TNPO2: variants seen among roughly 807,000 people sequenced by gnomAD.
TNPO2 encodes transportin-2.
A neutral mutation model predicts 111.1 loss-of-function variants in TNPO2; 16 were observed. The observed-to-expected ratio is 0.14, with a 90% confidence interval of 0.10 to 0.22. The LOEUF (loss-of-function observed/expected upper bound fraction) is 0.22. Ranked by LOEUF, TNPO2 falls within the 10% of genes least tolerant of loss-of-function variation. The pLI, the probability that TNPO2 is intolerant of heterozygous loss-of-function variation, is 1.00. For synonymous variants in TNPO2, 481 were observed against 475.8 expected (o/e 1.01, Z -0.14); for missense variants, 530 against 1,173.7 (o/e 0.45, Z 8.01).
rs557913964 is a variant in TNPO2 at position 12,703,512 on chromosome 19, T to C, written c.2125A>G (p.Ile709Val). 20 of 1,613,974 alleles carry C rather than the reference T, an allele frequency of 1.2e-5. No individual in the cohort carries two copies. The South Asian group carries it at 2.2e-4, about 18-fold the overall frequency. ...VKPCIAEFMP[I>V]LGTNLNPEFI... is the part of the protein sequence containing the mutation. ...TCTGGGTTCAGGTTGGTGCCCAGAA[T>C]GGGCATGAACTCGGCTGGTGGGGAG... Residue 709 changes from isoleucine (I) to valine (V), a missense_variant, in exon 20 of 26, where the codon ATT becomes GTT. By Grantham distance (29) the Ile-to-Val change is conservative. Coordinates refer to ENST00000425528, the MANE Select transcript of TNPO2 (RefSeq NM_001382241.1).
At chr19:12,708,618 G>A (rs1419869541) in intron 13 of TNPO2, among the ~76,000 whole-genome samples, 1 of 151,454 alleles carries the variant, frequency 6.6e-6, no homozygotes, top group East Asian at 1.9e-4. Flanking sequence ...TGTAATCCCA[G>A]CACTCTGGGA....
chr19:12,714,795 G>T, intron 10 of TNPO2, 26 bp downstream of exon 10: 2 of 1,594,970 alleles, frequency 1.3e-6, no homozygotes, highest in African/African-American at 1.3e-5. Flanking sequence ...AGCTGGGGTA[G>T]GACAGTGGGC....
In TNPO2 at chr19:12,721,008, G is replaced by A. The variant is rs766934992; in HGVS notation, c.-13-18C>T. The A allele has an allele frequency of 1.2e-5, 18 of 1,548,526 alleles. No homozygotes were observed. The highest frequency in any genetic ancestry group is 1.9e-5 in the Admixed American group (1 of 51,690). On this transcript the variant is annotated intron_variant, in intron 2 of 25. Coordinates refer to ENST00000425528, the MANE Select transcript of TNPO2 (RefSeq NM_001382241.1). This position sits in a 1 kb window ranked among gnomAD's most constrained non-coding sequence, Gnocchi z 4.9. ...AAGGCAAGCTGCGGAGGTAGGGGCC[G>A]GGGTCAGCGCTGGGTCTCTGGGGCT...
chr19:12,714,087 G>A (rs2026227673), intron 10 of TNPO2, among the ~76,000 whole-genome samples: 1 of 152,086 alleles, frequency 6.6e-6, no homozygotes, highest in Admixed American at 6.6e-5. Context: ...TTGTCAAGGA[G>A]GGTCAGTTTT....
At chr19:12,710,998 C>A (rs923945083) in intron 12 of TNPO2, among the ~76,000 whole-genome samples, 1 of 152,118 alleles carries the variant, frequency 6.6e-6, no homozygotes, top group Non-Finnish European at 1.5e-5. Flanking sequence ...GGGTTCATGC[C>A]GTTTTCCTGC....
chr19:12,702,679 G>T lies in TNPO2; in HGVS notation c.2305+144C>A. 1.4e-6 allele frequency: 1 copy of T among 728,524 alleles called. No homozygotes were observed. The highest frequency in any genetic ancestry group is 2.4e-6 in the Non-Finnish European group (1 of 422,962). 45.1% of individuals were successfully genotyped at this position (728,524 alleles called of 1,614,324 possible). Reference sequence around the variant, plus strand: ...AGCCTGAGGCTGCATCTTTCTTGGGGCTTCTCCCAGTGACCCCTTCCAGGT... The same window carrying T: ...AGCCTGAGGCTGCATCTTTCTTGGGTCTTCTCCCAGTGACCCCTTCCAGGT... On this transcript the variant is annotated intron_variant, in intron 21 of 25. Coordinates refer to ENST00000425528, the MANE Select transcript of TNPO2 (RefSeq NM_001382241.1). The surrounding 1 kb of genome is among the most constrained non-coding windows in gnomAD (Gnocchi z 5.5).
Position 12,720,880 on chromosome 19 carries a change from T to A in TNPO2, c.98A>T (p.Asp33Val). The A allele has an allele frequency of 1.3e-6, 2 of 1,598,752 alleles. No homozygotes were observed. Among genetic ancestry groups the A allele is most frequent in the Non-Finnish European group, 1.7e-6 (2 of 1,173,400 alleles). Residue 33 changes from aspartate (D) to valine (V), a missense_variant and splice_region_variant, in exon 3 of 26, where the codon GAT (aspartate) becomes GTT (valine). Physicochemically the swap from Asp to Val is radical, Grantham distance 152. This residue lies in a region of TNPO2 where 156 missense variants were observed against 405.8 expected (regional missense o/e 0.38). Transcript: ENST00000425528. The stretch of plus-strand genomic sequence containing the variant: ...AGCCCCGGAAGGAAGGAAGGATACA[T>A]CCTGCACGATGCGCTGAGTGGCTGT... ...PNTATQRIVQDKLKQLNQFPD... is the reference protein window; with the variant it reads ...PNTATQRIVQVKLKQLNQFPD...
intron 13 of TNPO2, among the ~76,000 whole-genome samples, chr19:12,707,491 T>C (rs1207378859): frequency 1.0e-4 from 12 of 119,174 alleles, no homozygotes; most frequent in Admixed American, 4.7e-4. Context: ...TTTTTTTTTT[T>C]TTTTTTTTTT....
intron 13 of TNPO2, among the ~76,000 whole-genome samples, chr19:12,710,129 A>C (rs897007433): frequency 6.6e-6 from 1 of 151,972 alleles, no homozygotes; most frequent in African/African-American, 2.4e-5. Flanking sequence ...ATTTGATGAA[A>C]CACCACCTAC....
intron 10 of TNPO2, among the ~76,000 whole-genome samples, chr19:12,714,565 G>A (rs1277280623): frequency 3.3e-5 from 5 of 152,170 alleles, no homozygotes; most frequent in South Asian, 2.1e-4. Flanking sequence ...GCCCGCCTCG[G>A]CCTCCCAAAG....
chr19:12,703,502 G>A lies in TNPO2; in HGVS notation c.2135C>T (p.Thr712Ile), dbSNP rs753603568. The A allele has an allele frequency of 1.2e-6, 2 of 1,614,034 alleles. No individual in the cohort carries two copies. The highest frequency in any genetic ancestry group is 2.2e-5 in the South Asian group (2 of 91,090). Residue 712 changes from threonine (T) to isoleucine (I), a missense_variant, in exon 20 of 26, where the codon ACC (threonine) becomes ATC (isoleucine). Physicochemically the swap from Thr to Ile is moderately conservative, Grantham distance 89. Around this residue, in one of 4 missense-constraint regions of TNPO2, gnomAD observed 183 missense variants for 481.0 expected, o/e 0.38. Transcript: ENST00000425528. ...CIAEFMPILG[T>I]NLNPEFISVC... is the part of the protein sequence containing the mutation. ...GGAGATGAACTCTGGGTTCAGGTTG[G>A]TGCCCAGAATGGGCATGAACTCGGC... is the stretch of plus-strand genomic sequence containing the variant.
chr19:12,702,421 G>C lies in TNPO2; in HGVS notation c.2306-244C>G. The C allele has an allele frequency of 1.5e-6, 1 of 647,288 alleles. No individual in the cohort carries two copies. Among genetic ancestry groups the C allele is most frequent in the Non-Finnish European group, 2.8e-6 (1 of 352,280 alleles). 40.1% of individuals were successfully genotyped at this position (647,288 alleles called of 1,614,324 possible). On this transcript the variant is annotated intron_variant, in intron 21 of 25. Coordinates refer to ENST00000425528, the MANE Select transcript of TNPO2 (RefSeq NM_001382241.1). The surrounding 1 kb of genome is among the most constrained non-coding windows in gnomAD (Gnocchi z 5.5). ...TGTTTTGTTTTGTTTTTGAGATGGAGTCTTGCTCTGTTGCCCAGGCTGGAG... is the reference window on the plus strand; with the variant it reads ...TGTTTTGTTTTGTTTTTGAGATGGACTCTTGCTCTGTTGCCCAGGCTGGAG...
chr19:12,709,803 G>T (rs1400517553), intron 13 of TNPO2, among the ~76,000 whole-genome samples: 1 of 152,040 alleles, frequency 6.6e-6, no homozygotes, highest in Admixed American at 6.6e-5. Flanking sequence ...ATTTTTTGTA[G>T]AAAGAGGGTT....
In TNPO2 at chr19:12,714,958, G is replaced by C. The variant is rs771898937; in HGVS notation, c.772-19C>G. The stretch of plus-strand genomic sequence containing the variant: ...GCATGTACTGTGGTAGGGGGGAGAA[G>C]CTGAGGCCTGGCCTGGCTGGGGGTG... On this transcript the variant is annotated intron_variant, in intron 9 of 25. Transcript: ENST00000425528. The C allele has an allele frequency of 1.2e-6, 2 of 1,604,112 alleles. No individual in the cohort carries two copies. Among genetic ancestry groups the C allele is most frequent in the African/African-American group, 2.7e-5 (2 of 74,400 alleles).
At chr19:12,708,784 T>A (rs2025858115) in intron 13 of TNPO2, among the ~76,000 whole-genome samples, 1 of 151,904 alleles carries the variant, frequency 6.6e-6, no homozygotes, top group Non-Finnish European at 1.5e-5. Context: ...GGCAGGAGAA[T>A]CTCTGGAACT....
intron 12 of TNPO2, 130 bp from the exon 13 acceptor site, chr19:12,710,903 TG>T: frequency 9.3e-7 from 1 of 1,078,592 alleles, no homozygotes; most frequent in Non-Finnish European, 1.3e-6. Flanking sequence ...TTTTTTGTTT[TG>T]TTTTTTTGAG....
intron 20 of TNPO2, 97 bp downstream of exon 20, chr19:12,703,331 T>G (rs568082643): frequency 3.5e-6 from 4 of 1,147,010 alleles, no homozygotes; most frequent in African/African-American, 3.1e-5. Context: ...CCCAAGAGAC[T>G]TGCCTTGAAG....
At chr19:12,720,790 G>A (rs367950154) in intron 3 of TNPO2, 89 bp downstream of exon 3, 4 of 1,461,142 alleles carry the variant, frequency 2.7e-6, no homozygotes, top group Non-Finnish European at 2.7e-6. Context: ...TGGGGACTAG[G>A]GGAGTCAGTC....
rs373243036 is a variant in TNPO2, at chr19:12,701,101, T to TGGAC, written c.*159_*162dup. On this transcript the variant is annotated 3_prime_UTR_variant, in exon 26 of 26. Coordinates refer to ENST00000425528, the MANE Select transcript of TNPO2 (RefSeq NM_001382241.1). This position sits in a 1 kb window ranked among gnomAD's most constrained non-coding sequence, Gnocchi z 5.0. ...CCTGCCAGGAGGGCAAGTGGACGGA[T>TGGAC]GGACGGACGGACGGACGGACGGGGA... 181 of 451,182 alleles carry TGGAC rather than the reference T, an allele frequency of 4.0e-4. 1 individual carries two copies. The highest frequency in any genetic ancestry group is 1.8e-3 in the Middle Eastern group (3 of 1,674). 27.9% of individuals were successfully genotyped at this position (451,182 alleles called of 1,614,324 possible). A position where few individuals can be genotyped will look rare whatever the true frequency, so the allele number is the denominator to read the frequency against.
Sources: allele counts gnomAD v4.1 joint callset (sites outside exome capture counted in the v4.1 genomes callset), GRCh38; gene constraint gnomAD v4.1.1; regional missense constraint gnomAD v4.1.1; non-coding constraint Gnocchi (gnomAD v3.1); transcripts MANE v1.5; gene names NCBI Gene and HGNC (gene_info 2026-07-23, HGNC 2026-07-21).